SLC9A7: variants seen among roughly 807,000 people sequenced by gnomAD.
The protein encoded by SLC9A7 is solute carrier family 9 member A7.
Under a neutral mutation model 52.6 loss-of-function variants are expected in SLC9A7, and 19 were observed. That is an observed-to-expected ratio of 0.36 (90% confidence interval 0.25 to 0.53). The LOEUF is 0.53. SLC9A7 is among the 20% of genes least tolerant of loss of function. SLC9A7 has a pLI of 0.91. For synonymous variants in SLC9A7, 226 were observed against 252.1 expected (o/e 0.90, Z 0.98); for missense variants, 455 against 597.9 (o/e 0.76, Z 2.49).
intron 13 of SLC9A7, 65 bp downstream of exon 13, chrX:46,635,524 C>T: frequency 1.7e-5 from 15 of 890,208 alleles, no homozygotes; most frequent in Non-Finnish European, 2.5e-5. Context: ...AGAGAAATAT[C>T]TGAGGTTAGA....
chrX:46,651,236 G>A lies in SLC9A7; in HGVS notation c.1237-13C>T. On this transcript the variant is annotated splice_polypyrimidine_tract_variant and intron_variant, in intron 9 of 16. Coordinates refer to ENST00000616978, the MANE Select transcript of SLC9A7 (RefSeq NM_001257291.2). The stretch of plus-strand genomic sequence containing the variant: ...ACACCTCAAAGAGCTGCACAGAGAA[G>A]GGAAAAGGAAGCTGTAACCCTGCAG... 8.4e-7 allele frequency: 1 copy of A among 1,185,552 alleles called. No homozygotes were observed.
chrX:46,750,327 G>C (rs1448515794), intron 1 of SLC9A7, among the ~76,000 whole-genome samples: 5 of 111,248 alleles, frequency 4.5e-5, no homozygotes, highest in Non-Finnish European at 7.5e-5. Flanking sequence ...TGGGAAAATG[G>C]GACCAATATT....
intron 11 of SLC9A7, chrX:46,646,657 C>T (rs1470169683): frequency 3.7e-5 from 10 of 267,385 alleles, no homozygotes; most frequent in Non-Finnish European, 7.3e-5. Flanking sequence ...TCTCTTCATC[C>T]CCCAGGAACT....
In SLC9A7 at chrX:46,687,825, TC is replaced by T. The variant is rs201266428; in HGVS notation, c.326-5291del. Among the ~76,000 whole-genome samples, 728 of 112,177 alleles carry T rather than the reference TC, an allele frequency of 6.5e-3. 5 individuals are homozygous for T. Among genetic ancestry groups the T allele is most frequent in the African/African-American group, 0.023 (697 of 30,885 alleles). On this transcript the variant is annotated intron_variant, in intron 1 of 16. Coordinates refer to ENST00000616978, the MANE Select transcript of SLC9A7 (RefSeq NM_001257291.2). ...GCAATCTGATTTTGAAACATTTCCA[TC>T]TGCAGTCACTTCCTGCTTCCTACTC...
chrX:46,730,856 A>G lies in SLC9A7; in HGVS notation c.325+27849T>C, dbSNP rs112923620. Among the ~76,000 whole-genome samples the G allele has an allele frequency of 9.8e-3, 1,029 of 105,150 alleles. 14 individuals are homozygous for G. The highest frequency in any genetic ancestry group is 0.033 in the African/African-American group (974 of 29,407). The allele number at this position is 105,150 out of a possible 115,157, so 91.3% of individuals were successfully genotyped here. On this transcript the variant is annotated intron_variant, in intron 1 of 16. Coordinates refer to ENST00000616978, the MANE Select transcript of SLC9A7 (RefSeq NM_001257291.2). ...GCTTTAACCAATGGAAAGTCACAGG[A>G]TATCTTTGAATAGGAAGAATCAACA...
intron 1 of SLC9A7, among the ~76,000 whole-genome samples, chrX:46,701,567 A>G (rs1944532204): frequency 9.0e-6 from 1 of 111,646 alleles, no homozygotes; most frequent in East Asian, 2.8e-4. Flanking sequence ...AGCCTGGGCG[A>G]CAGAGCGAGA....
intron 1 of SLC9A7, among the ~76,000 whole-genome samples, chrX:46,709,051 G>A (rs888550984): frequency 1.8e-5 from 2 of 111,148 alleles, no homozygotes; most frequent in Non-Finnish European, 3.8e-5. Context: ...AGGCAGTGTC[G>A]TGGGATGTGC....
chrX:46,683,261 C>T (rs1312505270), intron 1 of SLC9A7, among the ~76,000 whole-genome samples: 2 of 111,146 alleles, frequency 1.8e-5, no homozygotes, highest in Non-Finnish European at 3.8e-5. Flanking sequence ...CAGCATCCCT[C>T]AAGCCAGTCC....
At position 46,651,222 on chromosome X, in the gene SLC9A7, A is replaced by T; in HGVS notation, c.1238T>A (p.Leu413His). The T allele has an allele frequency of 8.4e-7, 1 of 1,192,119 alleles. No individual in the cohort carries two copies. The highest frequency in any genetic ancestry group is 1.8e-5 in the South Asian group (1 of 56,395). The change falls in exon 10 of 17, where the codon CTC (leucine) becomes CAC (histidine). Residue 413 changes from leucine to histidine, a missense_variant and splice_region_variant. Transcript: ENST00000616978. ...TGCCAGGAAATGTAACACCTCAAAGAGCTGCACAGAGAAGGGAAAAGGAAG... is the reference window on the plus strand; with the variant it reads ...TGCCAGGAAATGTAACACCTCAAAGTGCTGCACAGAGAAGGGAAAAGGAAG... ...SVESRSRTKQ[L>H]FEVLHFLAEN...
chrX:46,691,689 G>T (rs1243013987), intron 1 of SLC9A7, among the ~76,000 whole-genome samples: 1 of 111,812 alleles, frequency 8.9e-6, no homozygotes, highest in Non-Finnish European at 1.9e-5. Flanking sequence ...GGGGATGGAG[G>T]TTAGGAAGAC....
intron 1 of SLC9A7, among the ~76,000 whole-genome samples, chrX:46,709,166 G>A (rs1944650412): frequency 9.0e-6 from 1 of 111,307 alleles, no homozygotes; most frequent in Non-Finnish European, 1.9e-5. Flanking sequence ...CTACTTAGGA[G>A]GCTAAGGCAG....
intron 1 of SLC9A7, among the ~76,000 whole-genome samples, chrX:46,687,093 T>C (rs887872479): frequency 1.8e-5 from 2 of 112,361 alleles, no homozygotes; most frequent in South Asian, 3.6e-4. Flanking sequence ...CCAGCTCCCA[T>C]TGGTCTGGTG....
At chrX:46,668,923 T>A (rs1359327056) in intron 5 of SLC9A7, among the ~76,000 whole-genome samples, 1 of 111,561 alleles carries the variant, frequency 9.0e-6, no homozygotes. Flanking sequence ...ATCCCAGCAC[T>A]TTGGGAGGCC....
chrX:46,656,447 C>G (rs1211961333), intron 7 of SLC9A7, among the ~76,000 whole-genome samples: 2 of 112,271 alleles, frequency 1.8e-5, no homozygotes, highest in Admixed American at 9.4e-5. Context: ...ACATTCAAAC[C>G]AAAGGCAAAG....
intron 1 of SLC9A7, among the ~76,000 whole-genome samples, chrX:46,722,214 A>G (rs1291420862): frequency 8.9e-6 from 1 of 111,960 alleles, no homozygotes; most frequent in Non-Finnish European, 1.9e-5. Context: ...TGTGGGTTTC[A>G]AAACAAAAGC....
intron 8 of SLC9A7, among the ~76,000 whole-genome samples, chrX:46,653,374 G>T (rs763594326): frequency 8.1e-5 from 9 of 111,743 alleles, no homozygotes; most frequent in Non-Finnish European, 1.3e-4. Flanking sequence ...CAGCCTGGGT[G>T]ACACAGCAAG....
chrX:46,730,710 A>ATATATATATATATATATATAT (rs1569524468), intron 1 of SLC9A7, among the ~76,000 whole-genome samples: 13 of 76,477 alleles, frequency 1.7e-4, no homozygotes, highest in East Asian at 4.5e-4. Flanking sequence ...ATATATATAT[A>ATATATATATATATATATATAT]AAATGGATGA....
At chrX:46,614,899 C>A (rs1942919268) in intron 15 of SLC9A7, among the ~76,000 whole-genome samples, 1 of 112,151 alleles carries the variant, frequency 8.9e-6, no homozygotes, top group Admixed American at 9.4e-5. Context: ...GGGAGCATCA[C>A]CCCTCACTTT....
chrX:46,699,319 C>T (rs747081091), intron 1 of SLC9A7, among the ~76,000 whole-genome samples: 5 of 111,817 alleles, frequency 4.5e-5, no homozygotes, highest in Non-Finnish European at 7.5e-5. Flanking sequence ...AACTTGCCAT[C>T]GTTGCTGTGC....
Sources: gnomAD v4.1 joint callset for allele counts (sites outside exome capture counted in the v4.1 genomes callset) on GRCh38, gnomAD v4.1.1 for gene constraint, MANE v1.5 for transcripts, NCBI Gene and HGNC (gene_info 2026-07-23, HGNC 2026-07-21) for gene names.